Variants in PRKD1 observed in about 807,000 individuals in gnomAD.
PRKD1 encodes protein kinase D1.
PRKD1 carries 63 observed loss-of-function variants against 95.9 expected under a neutral mutation model. That is an observed-to-expected ratio of 0.66 (90% confidence interval 0.54 to 0.81). The LOEUF is 0.81. Ranked by LOEUF, PRKD1 falls within the 30% of genes least tolerant of loss-of-function variation. The pLI, the probability that PRKD1 is intolerant of heterozygous loss-of-function variation, is 0.00. For synonymous variants in PRKD1, 425 were observed against 423.1 expected (o/e 1.00, Z -0.05); for missense variants, 1,048 against 1,165.3 (o/e 0.90, Z 1.47).
intron 1 of PRKD1, among the ~76,000 whole-genome samples, chr14:29,872,059 T>A (rs1397009841): frequency 6.6e-6 from 1 of 152,196 alleles, no homozygotes; most frequent in Non-Finnish European, 1.5e-5. Context: ...AAAAACAGTT[T>A]CCAGGATCTT....
chr14:29,786,882 T>A (rs1889298256), intron 1 of PRKD1, among the ~76,000 whole-genome samples: 1 of 152,018 alleles, frequency 6.6e-6, no homozygotes, highest in Non-Finnish European at 1.5e-5. Context: ...TTTGGATTTG[T>A]TTTTTTCTTG....
chr14:29,788,488 T>C (rs1032970461), intron 1 of PRKD1, among the ~76,000 whole-genome samples: 2 of 152,256 alleles, frequency 1.3e-5, no homozygotes, highest in Non-Finnish European at 2.9e-5. Flanking sequence ...TTTTAACTGC[T>C]ATTTTGTTAA....
At chr14:29,584,807 G>C (rs910128972) in intron 16 of PRKD1, among the ~76,000 whole-genome samples, 4 of 152,162 alleles carry the variant, frequency 2.6e-5, no homozygotes, top group Non-Finnish European at 5.9e-5. Context: ...TAGAAAATCA[G>C]TGTGATGCTG....
chr14:29,782,322 G>A (rs1329587170), intron 1 of PRKD1, among the ~76,000 whole-genome samples: 4 of 152,000 alleles, frequency 2.6e-5, no homozygotes, highest in African/African-American at 4.8e-5. Flanking sequence ...GCTGTATCTT[G>A]AAGACTATAT....
At chr14:29,611,287 T>A (rs1224340362) in intron 13 of PRKD1, among the ~76,000 whole-genome samples, 1 of 152,168 alleles carries the variant, frequency 6.6e-6, no homozygotes, top group Non-Finnish European at 1.5e-5. Context: ...CTTCTTAATT[T>A]TGCTGTGACA....
intron 1 of PRKD1, among the ~76,000 whole-genome samples, chr14:29,740,801 TA>T (rs1242736033): frequency 6.6e-6 from 1 of 152,194 alleles, no homozygotes; most frequent in Non-Finnish European, 1.5e-5. Context: ...GACACATGCA[TA>T]TGAATGTTCA....
intron 1 of PRKD1, among the ~76,000 whole-genome samples, chr14:29,904,830 C>T (rs984683752): frequency 6.6e-6 from 1 of 152,128 alleles, no homozygotes; most frequent in Admixed American, 6.5e-5. Flanking sequence ...TTTAAAGAGG[C>T]AGTACAAGAA....
chr14:29,742,055 A>G (rs1887003323), intron 1 of PRKD1, among the ~76,000 whole-genome samples: 1 of 152,118 alleles, frequency 6.6e-6, no homozygotes, highest in Admixed American at 6.5e-5. Context: ...ATCCCCAAGG[A>G]AGTGGTGTAT....
intron 1 of PRKD1, among the ~76,000 whole-genome samples, chr14:29,762,966 A>C (rs1594494298): frequency 6.6e-6 from 1 of 151,216 alleles, no homozygotes; most frequent in African/African-American, 2.4e-5. Flanking sequence ...CTGATCTTGA[A>C]CTCGTGGCCT....
At chr14:29,727,831 T>TA (rs1230301147) in intron 1 of PRKD1, among the ~76,000 whole-genome samples, 1 of 151,400 alleles carries the variant, frequency 6.6e-6, no homozygotes, top group Admixed American at 6.6e-5. Flanking sequence ...TATGCAGCCA[T>TA]AAAAAATGAT....
chr14:29,816,859 A>C (rs887733798), intron 1 of PRKD1, among the ~76,000 whole-genome samples: 15 of 152,186 alleles, frequency 9.9e-5, no homozygotes, highest in African/African-American at 3.6e-4. Context: ...AAATTCCTGG[A>C]ATTCTAAGAG....
At chr14:29,844,584 CTA>C (rs1892005250) in intron 1 of PRKD1, among the ~76,000 whole-genome samples, 1 of 152,242 alleles carries the variant, frequency 6.6e-6, no homozygotes, top group East Asian at 1.9e-4. Context: ...TAGCCTCACT[CTA>C]TGTGGGTTTG....
intron 2 of PRKD1, among the ~76,000 whole-genome samples, chr14:29,701,156 G>C (rs1020475565): frequency 3.9e-5 from 6 of 152,076 alleles, no homozygotes; most frequent in Non-Finnish European, 8.8e-5. Context: ...TTTTCATTTT[G>C]AACTTCCTTA....
chr14:29,792,004 T>C (rs1566604061), intron 1 of PRKD1, among the ~76,000 whole-genome samples: 1 of 152,134 alleles, frequency 6.6e-6, no homozygotes, highest in Non-Finnish European at 1.5e-5. Flanking sequence ...CAACATTGGG[T>C]ACAGTAAATC....
intron 13 of PRKD1, among the ~76,000 whole-genome samples, chr14:29,600,814 C>A (rs1180267202): frequency 6.6e-6 from 1 of 152,080 alleles, no homozygotes; most frequent in African/African-American, 2.4e-5. Flanking sequence ...ATTAGACGAT[C>A]TCTTGTAATA....
intron 1 of PRKD1, among the ~76,000 whole-genome samples, chr14:29,778,533 T>G (rs917014486): frequency 2.0e-5 from 3 of 151,862 alleles, no homozygotes; most frequent in African/African-American, 7.3e-5. Flanking sequence ...AACTAGAAAA[T>G]CTAGAAGAAA....
At position 29,615,234 on chromosome 14, in the gene PRKD1, T is replaced by A. The variant is rs1271063305; in HGVS notation, c.1905+8918A>T. The stretch of plus-strand genomic sequence containing the variant: ...TATCGAATGTCTATAATATTTATAT[T>A]CTAATGGGTACATTTAAAGGAGTGA... On this transcript the variant is annotated intron_variant, in intron 13 of 17. Coordinates refer to ENST00000331968, the MANE Select transcript of PRKD1 (RefSeq NM_002742.3). Among the ~76,000 whole-genome samples the A allele has an allele frequency of 2.0e-5, 3 of 152,196 alleles. No individual in the cohort carries two copies. The East Asian group carries it at 5.8e-4, about 29-fold the overall frequency.
intron 1 of PRKD1, among the ~76,000 whole-genome samples, chr14:29,822,856 A>T (rs1026296533): frequency 1.3e-5 from 2 of 152,208 alleles, no homozygotes; most frequent in African/African-American, 4.8e-5. Context: ...GTCCCACAAC[A>T]TTCTTAAAGG....
chr14:29,619,321 C>G (rs1335756773), intron 13 of PRKD1, among the ~76,000 whole-genome samples: 1 of 152,104 alleles, frequency 6.6e-6, no homozygotes, highest in African/African-American at 2.4e-5. Context: ...AGCAAACACA[C>G]ATAATCCTTT....
Sources: gnomAD v4.1 joint callset for allele counts (sites outside exome capture counted in the v4.1 genomes callset) on GRCh38, gnomAD v4.1.1 for gene constraint, MANE v1.5 for transcripts, NCBI Gene and HGNC (gene_info 2026-07-23, HGNC 2026-07-21) for gene names.